PBLD: variants seen among roughly 807,000 people sequenced by gnomAD.
The protein encoded by PBLD is phenazine biosynthesis like protein domain containing, also known as phenazine biosynthesis-like domain-containing protein.
Under a neutral mutation model 31.3 loss-of-function variants are expected in PBLD, and 26 were observed. That is an observed-to-expected ratio of 0.83 (90% CI 0.61 to 1.15). The LOEUF is 1.15. PBLD is among the 50% of genes most tolerant of loss of function. The pLI, the probability that PBLD is intolerant of heterozygous loss-of-function variation, is 0.00. For synonymous variants in PBLD, 114 were observed against 129.0 expected, an observed-to-expected ratio of 0.88 and a Z score of 0.79; for missense variants, 307 against 351.7, an observed-to-expected ratio of 0.87 and a Z score of 1.02.
chr10:68,295,912 G>A (rs1418657612), intron 4 of PBLD: 3 of 158,408 alleles, frequency 1.9e-5, no homozygotes, highest in African/African-American at 7.2e-5. Context: ...AGTGAGTCAA[G>A]ATCGTGCCAT....
At chr10:68,288,262 G>T in intron 8 of PBLD, 1 of 535,552 alleles carries the variant, frequency 1.9e-6, no homozygotes, top group South Asian at 2.8e-5. Flanking sequence ...TGTAAACCCA[G>T]GCTGTCTGAC....
In PBLD at chr10:68,289,663, T is replaced by TCACACACACACACACACACA. The variant is rs1183126379; in HGVS notation, c.424-664_424-645dup. On this transcript the variant is annotated intron_variant, in intron 6 of 9. Coordinates refer to ENST00000358769, the MANE Select transcript of PBLD (RefSeq NM_022129.4). ...GAAAGAGACTTAGAAAGGCCAAAGA[T>TCACACACACACACACACACA]CACACACACACACACACACACACAC... Among the ~76,000 whole-genome samples, 214 of 136,494 alleles carry TCACACACACACACACACACA rather than the reference T, an allele frequency of 1.6e-3. 1 individual carries two copies. Among genetic ancestry groups the TCACACACACACACACACACA allele is most frequent in the East Asian group, 2.5e-3 (11 of 4,396 alleles). 89.5% of individuals were successfully genotyped at this position (136,494 alleles called of 152,430 possible).
chr10:68,316,954 A>G (rs940534203), intron 1 of PBLD, among the ~76,000 whole-genome samples: 16 of 152,344 alleles, frequency 1.1e-4, no homozygotes, highest in South Asian at 4.1e-4. Flanking sequence ...TGGAGGTTGC[A>G]GTGAGCTGAG....
intron 1 of PBLD, among the ~76,000 whole-genome samples, chr10:68,311,945 C>G (rs2044675190): frequency 6.6e-6 from 1 of 152,184 alleles, no homozygotes; most frequent in African/African-American, 2.4e-5. Context: ...TACCACACAT[C>G]AGTAGCCTGG....
At chr10:68,324,072 T>C (rs1176111016) in intron 1 of PBLD, among the ~76,000 whole-genome samples, 2 of 152,168 alleles carry the variant, frequency 1.3e-5, no homozygotes, top group Admixed American at 6.5e-5. Context: ...CCAAAAATAA[T>C]TCATCCTTGA....
intron 1 of PBLD, among the ~76,000 whole-genome samples, chr10:68,311,626 C>G (rs973604123): frequency 6.6e-6 from 1 of 151,686 alleles, no homozygotes; most frequent in African/African-American, 2.4e-5. Flanking sequence ...GTGGCGCATG[C>G]CTGTAGTCCC....
At position 68,319,001 on chromosome 10, in the gene PBLD, GAGAA is replaced by G. The variant is rs1181691392; in HGVS notation, c.-59-12102_-59-12099del. Among the ~76,000 whole-genome samples the G allele has an allele frequency of 1.6e-3, 221 of 140,964 alleles. 1 individual carries two copies. The highest frequency in any genetic ancestry group is 5.4e-3 in the African/African-American group (204 of 37,784). The allele number at this position is 140,964 out of a possible 152,430, so 92.5% of individuals were successfully genotyped here. A position where few individuals can be genotyped will look rare whatever the true frequency, so the allele number is the denominator to read the frequency against. ...AAGGAAGGAAGTTAGGAAAGAAAGAGAGAAAGAAAGAAAGAGAGAGGGAGAGAGA... is the reference window on the plus strand; with the variant it reads ...AAGGAAGGAAGTTAGGAAAGAAAGAGAGAAAGAAAGAGAGAGGGAGAGAGA... On this transcript the variant is annotated intron_variant, in intron 1 of 9. Coordinates refer to ENST00000358769, the MANE Select transcript of PBLD (RefSeq NM_022129.4).
intron 8 of PBLD, among the ~76,000 whole-genome samples, chr10:68,286,485 T>G (rs1212225458): frequency 6.6e-6 from 1 of 152,094 alleles, no homozygotes; most frequent in Non-Finnish European, 1.5e-5. Context: ...AGGCTAAATT[T>G]TCTTTTCTTT....
chr10:68,302,094 G>A (rs562373645), intron 2 of PBLD, among the ~76,000 whole-genome samples: 1 of 152,338 alleles, frequency 6.6e-6, no homozygotes, highest in South Asian at 2.1e-4. Context: ...GAGAGAGGAT[G>A]CATTTGTTCA....
chr10:68,322,421 G>A (rs973184372), intron 1 of PBLD, among the ~76,000 whole-genome samples: 56 of 151,886 alleles, frequency 3.7e-4, no homozygotes, highest in African/African-American at 1.2e-3. Flanking sequence ...AGCACTTTGG[G>A]AGGCCGAGGT....
At chr10:68,296,436 T>C (rs1038653432) in intron 3 of PBLD, 72 bp from the exon 4 acceptor site, 18 of 1,163,910 alleles carry the variant, frequency 1.5e-5, no homozygotes, top group Admixed American at 4.0e-5. Flanking sequence ...CTCATTTTCT[T>C]CTTTCCTATA....
At chr10:68,322,809 G>A (rs2044856384) in intron 1 of PBLD, among the ~76,000 whole-genome samples, 1 of 151,974 alleles carries the variant, frequency 6.6e-6, no homozygotes, top group Non-Finnish European at 1.5e-5. Flanking sequence ...CTGGAGTGCA[G>A]CGGTACAATC....
chr10:68,316,492 C>A (rs1210201584), intron 1 of PBLD, among the ~76,000 whole-genome samples: 1 of 152,140 alleles, frequency 6.6e-6, no homozygotes, highest in African/African-American at 2.4e-5. Flanking sequence ...CCTCAGAGAT[C>A]TCTGGGACAT....
chr10:68,328,153 G>A (rs1409866061), intron 1 of PBLD, among the ~76,000 whole-genome samples: 2 of 152,166 alleles, frequency 1.3e-5, no homozygotes, highest in Admixed American at 6.5e-5. Flanking sequence ...CAAAGAATAA[G>A]CATTTCACAG....
At chr10:68,297,973 G>T (rs2044453436) in intron 2 of PBLD, among the ~76,000 whole-genome samples, 1 of 135,638 alleles carries the variant, frequency 7.4e-6, no homozygotes, top group African/African-American at 2.7e-5. Context: ...AAAAAAAAGA[G>T]TAAGGGCTTT....
Position 68,284,138 on chromosome 10 carries a change from T to G in PBLD, c.*39A>C. The G allele has an allele frequency of 1.3e-6, 2 of 1,530,708 alleles. No individual in the cohort carries two copies. The highest frequency in any genetic ancestry group is 1.8e-6 in the Non-Finnish European group (2 of 1,109,390). 94.8% of individuals were successfully genotyped at this position (1,530,708 alleles called of 1,614,324 possible). A position where few individuals can be genotyped will look rare whatever the true frequency, so the allele number is the denominator to read the frequency against. On this transcript the variant is annotated 3_prime_UTR_variant, in exon 10 of 10. Transcript: ENST00000358769. ...ACATTTCTTTTTAAGCAGAAAATAC[T>G]TGGTGGTTAGAGACAGCAGCGTCAC... is the stretch of plus-strand genomic sequence containing the variant.
intron 2 of PBLD, among the ~76,000 whole-genome samples, chr10:68,298,461 T>TA (rs34863123): frequency 6.6e-6 from 1 of 152,032 alleles, no homozygotes; most frequent in African/African-American, 2.4e-5. Flanking sequence ...AACCTGACTC[T>TA]AAAAAAATTT....
At chr10:68,291,508 A>T (rs139318650) in intron 6 of PBLD, among the ~76,000 whole-genome samples, 3 of 152,200 alleles carry the variant, frequency 2.0e-5, no homozygotes, top group African/African-American at 7.2e-5. Flanking sequence ...GACAGCTGCC[A>T]GGAAGGTTCC....
rs1433876012 is a variant in PBLD at position 68,289,116 on chromosome 10, G to A, written c.424-97C>T. The A allele has an allele frequency of 7.8e-6, 7 of 899,370 alleles. No individual in the cohort carries two copies. The Admixed American group carries it at 7.8e-5, about 10-fold the overall frequency. 55.7% of individuals were successfully genotyped at this position (899,370 alleles called of 1,614,324 possible). ...TGACCTCTCATTGAGCATCCACTGT[G>A]AGCCAAGCATGCCCATCGTCTCCAG... On this transcript the variant is annotated intron_variant, in intron 6 of 9. Coordinates refer to ENST00000358769, the MANE Select transcript of PBLD (RefSeq NM_022129.4).
Sources: gnomAD v4.1 joint callset for allele counts (sites outside exome capture counted in the v4.1 genomes callset) on GRCh38, gnomAD v4.1.1 for gene constraint, MANE v1.5 for transcripts, NCBI Gene and HGNC (gene_info 2026-07-23, HGNC 2026-07-21) for gene names.